The following BEND5 variants were observed in gnomAD, a reference collection of about 807,000 sequenced individuals.
BEND5 encodes BEN domain containing 5.
Under a neutral mutation model 43.9 loss-of-function variants are expected in BEND5, and 22 were observed. The ratio of observed to expected loss-of-function variants is 0.50; its 90% confidence interval spans 0.36 to 0.72. BEND5 has a LOEUF of 0.72. BEND5 is among the 30% of genes least tolerant of loss of function. The probability of loss-of-function intolerance (pLI) is 0.00; values close to 1 mark genes in which losing one functional copy is unlikely to be tolerated. For missense variants in BEND5, 428 were observed against 550.6 expected (o/e 0.78, Z 2.23); for synonymous variants, 228 against 225.9 (o/e 1.01, Z -0.08).
chr1:48,750,900 C>T (rs1651626595), intron 3 of BEND5, among the ~76,000 whole-genome samples: 1 of 152,056 alleles, frequency 6.6e-6, no homozygotes, highest in Non-Finnish European at 1.5e-5. Context: ...AGAATTACCC[C>T]CCACACTCAG....
intron 3 of BEND5, among the ~76,000 whole-genome samples, chr1:48,756,230 A>T (rs924417900): frequency 2.0e-5 from 3 of 152,242 alleles, no homozygotes; most frequent in African/African-American, 7.2e-5. Context: ...TGTTTGGGTA[A>T]CAAAAATTCA....
At chr1:48,745,723 AT>A (rs1650631682) in intron 3 of BEND5, among the ~76,000 whole-genome samples, 1 of 152,072 alleles carries the variant, frequency 6.6e-6, no homozygotes, top group South Asian at 2.1e-4. Context: ...CTAGTAAATA[AT>A]TATCTCTAGC....
intron 1 of BEND5, among the ~76,000 whole-genome samples, chr1:48,767,814 G>A (rs1164499206): frequency 6.6e-6 from 1 of 152,168 alleles, no homozygotes; most frequent in Non-Finnish European, 1.5e-5. Flanking sequence ...TTTATGTCCA[G>A]GGCAAGGGAA....
intron 1 of BEND5, among the ~76,000 whole-genome samples, chr1:48,767,326 G>T (rs1387592888): frequency 6.6e-6 from 1 of 152,196 alleles, no homozygotes. Context: ...TCTTGTCATA[G>T]ATGTTCAATA....
intron 1 of BEND5, among the ~76,000 whole-genome samples, chr1:48,763,988 C>T (rs747745967): frequency 6.6e-6 from 1 of 152,150 alleles, no homozygotes; most frequent in Non-Finnish European, 1.5e-5. Flanking sequence ...CAGAGCTTTG[C>T]CTTCTATGCC....
rs188343241 is a variant in BEND5 at position 48,730,255 on chromosome 1, T to C, written c.1109-2212A>G. 5.9e-4 allele frequency among the ~76,000 whole-genome samples: 90 copies of C among 152,212 alleles called. 2 individuals carry two copies. The South Asian group carries it at 0.015, about 25-fold the overall frequency. ...CAGGCCAGGAGAAAACAAACACCCA[T>C]AGTGACTTTGTAGGAACCTGAACCA... is the stretch of plus-strand genomic sequence containing the variant. On this transcript the variant is annotated intron_variant, in intron 5 of 5. Coordinates refer to ENST00000371833, the MANE Select transcript of BEND5 (RefSeq NM_024603.4).
chr1:48,733,568 CAG>C (rs1460646038), intron 5 of BEND5, among the ~76,000 whole-genome samples: 1 of 152,186 alleles, frequency 6.6e-6, no homozygotes, highest in East Asian at 1.9e-4. Context: ...CACAACTTGG[CAG>C]ATGATGCTGA....
intron 1 of BEND5, among the ~76,000 whole-genome samples, chr1:48,773,336 C>G (rs1644927327): frequency 6.6e-6 from 1 of 152,110 alleles, no homozygotes; most frequent in African/African-American, 2.4e-5. Context: ...ATGAGTAGTT[C>G]TCACTTTCAC....
intron 4 of BEND5, among the ~76,000 whole-genome samples, chr1:48,738,944 C>T (rs1424175027): frequency 6.6e-6 from 1 of 152,172 alleles, no homozygotes; most frequent in African/African-American, 2.4e-5. Flanking sequence ...TTCAGAGGGA[C>T]TATGTAACTT....
At chr1:48,733,928 C>A (rs777773358) in intron 5 of BEND5, among the ~76,000 whole-genome samples, 3 of 152,158 alleles carry the variant, frequency 2.0e-5, no homozygotes, top group Non-Finnish European at 4.4e-5. Context: ...AGGAGACACA[C>A]AGCAGATGAT....
At chr1:48,760,442 G>A (rs996538626) in intron 2 of BEND5, among the ~76,000 whole-genome samples, 3 of 152,214 alleles carry the variant, frequency 2.0e-5, no homozygotes, top group East Asian at 3.8e-4. Flanking sequence ...CTGATATTGT[G>A]TTACATGACA....
At chr1:48,743,514 G>T (rs1650259770) in intron 3 of BEND5, among the ~76,000 whole-genome samples, 2 of 152,154 alleles carry the variant, frequency 1.3e-5, no homozygotes, top group African/African-American at 4.8e-5. Context: ...GATGAAAATG[G>T]GTAAATAAGG....
At chr1:48,745,189 G>A (rs1478222982) in intron 3 of BEND5, among the ~76,000 whole-genome samples, 2 of 152,210 alleles carry the variant, frequency 1.3e-5, no homozygotes, top group African/African-American at 4.8e-5. Context: ...GGGAGGAAGA[G>A]AGGGACTTTA....
intron 1 of BEND5, among the ~76,000 whole-genome samples, chr1:48,762,787 G>T (rs1644344406): frequency 6.6e-6 from 1 of 152,186 alleles, no homozygotes; most frequent in Non-Finnish European, 1.5e-5. Flanking sequence ...CTCAAATGCT[G>T]AATCTTCTCA....
At position 48,727,920 on chromosome 1, in the gene BEND5, T is replaced by C. The variant is rs1191210092; in HGVS notation, c.1232A>G (p.Glu411Gly). Residue 411 changes from glutamate to glycine, a missense_variant, in exon 6 of 6, where the codon GAA (glutamate) becomes GGA (glycine). Physicochemically the swap from Glu to Gly is moderately conservative, Grantham distance 98. Transcript: ENST00000371833. ...ATTGTATTTTGCTTCCCTTCGTTCT[T>C]CATTTTTACAGGATTTATTGATATC... ...IMDINKSCKN[E>G]ERREAKYNLQ 1 of 1,608,006 alleles carries C rather than the reference T, an allele frequency of 6.2e-7. No homozygotes were observed. The highest frequency in any genetic ancestry group is 8.5e-7 in the Non-Finnish European group (1 of 1,175,400).
In BEND5 at chr1:48,742,619, C is replaced by G; in HGVS notation, c.894+4G>C. 6.5e-7 allele frequency: 1 copy of G among 1,548,548 alleles called. No individual in the cohort carries two copies. Among genetic ancestry groups the G allele is most frequent in the Non-Finnish European group, 8.8e-7 (1 of 1,142,394 alleles). On this transcript the variant is annotated splice_donor_region_variant and intron_variant, in intron 4 of 5. Coordinates refer to ENST00000371833, the MANE Select transcript of BEND5 (RefSeq NM_024603.4). Reference sequence around the variant, plus strand: ...GGGAATGGATATTGAGCTTAAAACACTACCTTGCCATTGTCTAGGATATAC... The same window carrying G: ...GGGAATGGATATTGAGCTTAAAACAGTACCTTGCCATTGTCTAGGATATAC...
Position 48,771,688 on chromosome 1 carries a change from G to A in BEND5, c.226+4918C>T, listed in dbSNP as rs545760247. On this transcript the variant is annotated intron_variant, in intron 1 of 5. Coordinates refer to ENST00000371833, the MANE Select transcript of BEND5 (RefSeq NM_024603.4). ...GTTGGCAGTTTCCCACTGATGACAC[G>A]CAACAATCTTTGCATATGAAATCGG... is the stretch of plus-strand genomic sequence containing the variant. Among the ~76,000 whole-genome samples the A allele has an allele frequency of 7.8e-4, 119 of 152,246 alleles. 3 individuals carry two copies. Among genetic ancestry groups the A allele is most frequent in the Non-Finnish European group, 1.2e-3 (82 of 68,038 alleles).
chr1:48,770,536 T>A (rs1018974604), intron 1 of BEND5, among the ~76,000 whole-genome samples: 1 of 152,140 alleles, frequency 6.6e-6, no homozygotes, highest in Admixed American at 6.5e-5. Flanking sequence ...CTGCACTCTC[T>A]CCCACTGTAA....
intron 5 of BEND5, among the ~76,000 whole-genome samples, chr1:48,731,958 G>C (rs1035478334): frequency 2.0e-5 from 3 of 152,182 alleles, no homozygotes; most frequent in Non-Finnish European, 4.4e-5. Context: ...CAGAGTAATG[G>C]AGGGGAGAAA....
Sources: allele counts gnomAD v4.1 joint callset (sites outside exome capture counted in the v4.1 genomes callset), GRCh38; gene constraint gnomAD v4.1.1; transcripts MANE v1.5; gene names NCBI Gene and HGNC (gene_info 2026-07-23, HGNC 2026-07-21).